The following ZMAT4 variants were observed in gnomAD, a reference collection of about 807,000 sequenced individuals.
ZMAT4 encodes zinc finger matrin-type 4.
ZMAT4 carries 17 observed loss-of-function variants against 28.7 expected under a neutral mutation model. The observed-to-expected ratio is 0.59, with a 90% confidence interval of 0.41 to 0.89. The LOEUF (loss-of-function observed/expected upper bound fraction) is 0.89. Ranked by LOEUF, ZMAT4 falls within the 40% of genes least tolerant of loss-of-function variation. ZMAT4 has a pLI of 0.00. For synonymous variants in ZMAT4, 117 were observed against 109.2 expected (o/e 1.07, Z -0.44); for missense variants, 240 against 283.8 (o/e 0.85, Z 1.11).
chr8:40,738,075 T>G (rs999900625), intron 3 of ZMAT4, among the ~76,000 whole-genome samples: 1 of 151,962 alleles, frequency 6.6e-6, no homozygotes, highest in African/African-American at 2.4e-5. Flanking sequence ...ACGGGGGATA[T>G]GGATGAGGTA....
intron 2 of ZMAT4, among the ~76,000 whole-genome samples, chr8:40,811,304 C>T (rs560712511): frequency 1.3e-5 from 2 of 152,312 alleles, no homozygotes; most frequent in East Asian, 1.9e-4. Flanking sequence ...ATCTTCACAA[C>T]TGTGACCCCC....
chr8:40,728,209 T>C (rs924142597), intron 3 of ZMAT4, among the ~76,000 whole-genome samples: 1 of 152,220 alleles, frequency 6.6e-6, no homozygotes, highest in African/African-American at 2.4e-5. Context: ...CTTTGCTTGA[T>C]ATTAAAACTT....
At chr8:40,694,790 A>G (rs1232632929) in intron 4 of ZMAT4, among the ~76,000 whole-genome samples, 1 of 152,164 alleles carries the variant, frequency 6.6e-6, no homozygotes, top group Non-Finnish European at 1.5e-5. Context: ...GATCTTAGAA[A>G]CCAGAACCGC....
At chr8:40,565,189 T>C (rs1270101323) in intron 6 of ZMAT4, among the ~76,000 whole-genome samples, 1 of 152,168 alleles carries the variant, frequency 6.6e-6, no homozygotes, top group African/African-American at 2.4e-5. Flanking sequence ...TTAATAGCAA[T>C]GAAATATTCT....
At chr8:40,618,485 A>G (rs1254624676) in intron 5 of ZMAT4, among the ~76,000 whole-genome samples, 1 of 152,200 alleles carries the variant, frequency 6.6e-6, no homozygotes, top group African/African-American at 2.4e-5. Flanking sequence ...GGTGGTTTCA[A>G]TATCTTTTAA....
intron 5 of ZMAT4, among the ~76,000 whole-genome samples, chr8:40,619,708 G>T: frequency 6.6e-6 from 1 of 152,318 alleles, no homozygotes; most frequent in African/African-American, 2.4e-5. Flanking sequence ...GCCAGCAATT[G>T]TATTTCATCA....
At position 40,745,135 on chromosome 8, in the gene ZMAT4, C is replaced by T. The variant is rs184481356; in HGVS notation, c.192+22506G>A. Among the ~76,000 whole-genome samples the T allele has an allele frequency of 1.6e-4, 25 of 152,268 alleles. No individual in the cohort carries two copies. In the East Asian group the frequency reaches 4.3e-3, roughly 26 times the overall value. On this transcript the variant is annotated intron_variant, in intron 3 of 6. Transcript: ENST00000297737. ...GCAGGCAGGGCCGACTCACAGCATCCGGATGTGGTGAGCTAGCAGGTCAAA... is the reference window on the plus strand; with the variant it reads ...GCAGGCAGGGCCGACTCACAGCATCTGGATGTGGTGAGCTAGCAGGTCAAA...
intron 6 of ZMAT4, among the ~76,000 whole-genome samples, chr8:40,569,308 T>C (rs1804019966): frequency 6.6e-6 from 1 of 152,200 alleles, no homozygotes; most frequent in South Asian, 2.1e-4. Context: ...CTTAATTCAA[T>C]TGCCGGGTAT....
chr8:40,795,851 G>A (rs1814574154), intron 2 of ZMAT4, among the ~76,000 whole-genome samples: 1 of 152,204 alleles, frequency 6.6e-6, no homozygotes, highest in Admixed American at 6.5e-5. Context: ...ATTTAGCCAA[G>A]ACACTGCCTA....
intron 2 of ZMAT4, among the ~76,000 whole-genome samples, chr8:40,779,265 G>A (rs566287336): frequency 5.3e-5 from 8 of 152,108 alleles, no homozygotes; most frequent in South Asian, 4.2e-4. Flanking sequence ...CCATGATTGC[G>A]AGGCCTCCCC....
At chr8:40,876,353 C>A (rs1216930817) in intron 1 of ZMAT4, among the ~76,000 whole-genome samples, 1 of 152,174 alleles carries the variant, frequency 6.6e-6, no homozygotes, top group Non-Finnish European at 1.5e-5. Context: ...GGGTTTCACT[C>A]TGTGGCCCAG....
At chr8:40,564,907 T>C (rs1047255708) in intron 6 of ZMAT4, among the ~76,000 whole-genome samples, 3 of 152,154 alleles carry the variant, frequency 2.0e-5, no homozygotes, top group African/African-American at 7.2e-5. Context: ...CCTGCACGGA[T>C]AGTAAAAAAT....
At chr8:40,633,869 A>G (rs1806689743) in intron 5 of ZMAT4, among the ~76,000 whole-genome samples, 1 of 152,230 alleles carries the variant, frequency 6.6e-6, no homozygotes, top group Non-Finnish European at 1.5e-5. Flanking sequence ...CAGGAGCACC[A>G]TGAAGCTCTG....
intron 6 of ZMAT4, among the ~76,000 whole-genome samples, chr8:40,550,117 T>C (rs906035645): frequency 2.6e-5 from 4 of 152,074 alleles, no homozygotes; most frequent in African/African-American, 9.7e-5. Flanking sequence ...AGGTTCCAAC[T>C]CCTGAGTTGT....
At chr8:40,619,136 A>G (rs1806114996) in intron 5 of ZMAT4, among the ~76,000 whole-genome samples, 1 of 152,156 alleles carries the variant, frequency 6.6e-6, no homozygotes, top group African/African-American at 2.4e-5. Flanking sequence ...TGATGCTTTC[A>G]GCTGGCCACA....
At chr8:40,820,675 CTA>C (rs1365045793) in intron 2 of ZMAT4, among the ~76,000 whole-genome samples, 4 of 7,382 alleles carry the variant, frequency 5.4e-4, no homozygotes, top group South Asian at 5.6e-3. Flanking sequence ...GTATGTGTGT[CTA>C]TGTGTGTGTG....
chr8:40,736,644 G>A (rs1811774072), intron 3 of ZMAT4, among the ~76,000 whole-genome samples: 1 of 152,218 alleles, frequency 6.6e-6, no homozygotes, highest in Admixed American at 6.5e-5. Flanking sequence ...AACAAAAGGA[G>A]TTAAGGGAGG....
chr8:40,620,741 T>TA (rs1359154092), intron 5 of ZMAT4, among the ~76,000 whole-genome samples: 2 of 152,216 alleles, frequency 1.3e-5, no homozygotes, highest in African/African-American at 4.8e-5. Flanking sequence ...ATGGCCCTGG[T>TA]AGGTTGTAAT....
chr8:40,693,350 A>G (rs186255007), intron 4 of ZMAT4, among the ~76,000 whole-genome samples: 3 of 152,246 alleles, frequency 2.0e-5, no homozygotes, highest in Admixed American at 6.5e-5. Context: ...TCCTGGGCTC[A>G]AGCAATCCTC....
Sources: gnomAD v4.1 joint callset for allele counts (sites outside exome capture counted in the v4.1 genomes callset) on GRCh38, gnomAD v4.1.1 for gene constraint, MANE v1.5 for transcripts, NCBI Gene and HGNC (gene_info 2026-07-23, HGNC 2026-07-21) for gene names.